POU6F2: variants seen among roughly 807,000 people sequenced by gnomAD.
POU6F2 encodes the protein POU domain, class 6, transcription factor 2.
In POU6F2, 31 loss-of-function variants were observed where a neutral mutation model predicts 71.3. The ratio of observed to expected loss-of-function variants is 0.43; its 90% CI spans 0.33 to 0.59. The LOEUF (loss-of-function observed/expected upper bound fraction) is 0.59, where lower values mean the gene tolerates loss of function less well. Ranked by LOEUF, POU6F2 falls within the 20% of genes least tolerant of loss-of-function variation. POU6F2 has a pLI of 0.04. For missense variants in POU6F2, 783 were observed against 856.8 expected (o/e 0.91, Z 1.07); for synonymous variants, 347 against 355.7 (o/e 0.98, Z 0.27).
intron 4 of POU6F2, among the ~76,000 whole-genome samples, chr7:39,271,126 C>A (rs35787907): frequency 0.15 from 23,166 of 152,114 alleles, 1,922 homozygotes; most frequent in Middle Eastern, 0.25. Context: ...TTATTGTATA[C>A]CTGTGAGCTA....
At chr7:39,005,178 A>T (rs1250121109) in intron 1 of POU6F2, 1 of 152,344 alleles carries the variant, frequency 6.6e-6, no homozygotes, top group Non-Finnish European at 1.5e-5. Flanking sequence ...AACCCTCGCC[A>T]GTGCGCCTGT....
At chr7:39,042,905 C>G (rs970409445) in intron 1 of POU6F2, among the ~76,000 whole-genome samples, 5 of 151,960 alleles carry the variant, frequency 3.3e-5, no homozygotes, top group African/African-American at 1.2e-4. Flanking sequence ...CTCAGGCTGT[C>G]TCTTACACTG....
chr7:39,212,138 G>A (rs986264859), intron 4 of POU6F2, among the ~76,000 whole-genome samples: 1 of 152,108 alleles, frequency 6.6e-6, no homozygotes, highest in Non-Finnish European at 1.5e-5. Context: ...TGAGATGTTC[G>A]TTTCTGTCCT....
rs151293651 is a variant in POU6F2, at chr7:39,339,735, A to G, written c.692A>G (p.Asn231Ser). 2,152 of 1,604,304 alleles carry G rather than the reference A, an allele frequency of 1.3e-3. 18 individuals carry two copies. In the African/African-American group the frequency reaches 0.026, roughly 20 times the overall value. ...CAGCAGCAGCCTCCCCCGTCAACCA[A>G]CCAGCACCCGCAACCAGCCCCACAG... is the stretch of plus-strand genomic sequence containing the variant. ...QQQQQPPPST[N>S]QHPQPAPQAP... Residue 231 changes from asparagine to serine, a missense_variant, in exon 5 of 10, where the codon AAC becomes AGC. By Grantham distance (46) the Asn-to-Ser change is conservative. Coordinates refer to ENST00000518318, the MANE Select transcript of POU6F2 (RefSeq NM_001370959.1).
chr7:39,119,648 A>G (rs1792001957), intron 2 of POU6F2, among the ~76,000 whole-genome samples: 1 of 152,232 alleles, frequency 6.6e-6, no homozygotes, highest in African/African-American at 2.4e-5. Flanking sequence ...AGAGTGAGGA[A>G]GGATTGGGCA....
At chr7:39,145,201 A>G (rs1792593308) in intron 2 of POU6F2, among the ~76,000 whole-genome samples, 1 of 152,206 alleles carries the variant, frequency 6.6e-6, no homozygotes, top group Non-Finnish European at 1.5e-5. Context: ...ATCAAAACAA[A>G]GAGTTTATTT....
At chr7:39,375,962 G>T (rs1249077326) in intron 5 of POU6F2, among the ~76,000 whole-genome samples, 1 of 152,134 alleles carries the variant, frequency 6.6e-6, no homozygotes, top group East Asian at 1.9e-4. Context: ...ATCCCACTCT[G>T]CCATTCACTA....
At chr7:39,383,989 T>A (rs975672568) in intron 5 of POU6F2, among the ~76,000 whole-genome samples, 8 of 152,240 alleles carry the variant, frequency 5.3e-5, no homozygotes, top group Non-Finnish European at 8.8e-5. Context: ...GAACGTTTAA[T>A]TTGAATGTGA....
intron 4 of POU6F2, among the ~76,000 whole-genome samples, chr7:39,236,532 C>G (rs139153083): frequency 3.9e-5 from 6 of 152,144 alleles, no homozygotes; most frequent in Admixed American, 1.3e-4. Flanking sequence ...TACCATTTCA[C>G]ACCTTGTCCG....
intron 4 of POU6F2, among the ~76,000 whole-genome samples, chr7:39,236,056 A>G (rs1466165240): frequency 6.6e-6 from 1 of 152,176 alleles, no homozygotes; most frequent in Admixed American, 6.5e-5. Flanking sequence ...GCAAAATGCA[A>G]TTGCAACATT....
chr7:39,393,053 A>G (rs1427035174), intron 5 of POU6F2, among the ~76,000 whole-genome samples: 1 of 152,160 alleles, frequency 6.6e-6, no homozygotes, highest in Non-Finnish European at 1.5e-5. Flanking sequence ...GGTTTTATTA[A>G]TGGAAACTTC....
intron 2 of POU6F2, among the ~76,000 whole-genome samples, chr7:39,130,732 G>A (rs1792258360): frequency 6.6e-6 from 1 of 151,844 alleles, no homozygotes; most frequent in Non-Finnish European, 1.5e-5. Context: ...ATCTCTTCTG[G>A]GCCATGTCCT....
intron 5 of POU6F2, among the ~76,000 whole-genome samples, chr7:39,346,004 A>G (rs1237022193): frequency 2.0e-5 from 3 of 152,224 alleles, no homozygotes; most frequent in African/African-American, 7.2e-5. Flanking sequence ...CCCTTTACCC[A>G]ACTGTATTAA....
chr7:39,218,462 G>A (rs1024817150), intron 4 of POU6F2, among the ~76,000 whole-genome samples: 1 of 152,156 alleles, frequency 6.6e-6, no homozygotes, highest in Non-Finnish European at 1.5e-5. Flanking sequence ...TCTCTTACGT[G>A]TGTAATTCTT....
At chr7:39,416,814 T>TAAA (rs531942673) in intron 6 of POU6F2, among the ~76,000 whole-genome samples, 5 of 142,442 alleles carry the variant, frequency 3.5e-5, no homozygotes, top group African/African-American at 1.3e-4. Context: ...GTTAAAAATG[T>TAAA]AAAAAAAAAA....
At chr7:38,988,701 T>C (rs540078356) in intron 1 of POU6F2, among the ~76,000 whole-genome samples, 166 of 152,222 alleles carry the variant, frequency 1.1e-3, no homozygotes, top group Admixed American at 2.4e-3. Flanking sequence ...GGTACTGTTG[T>C]TATTTCCATT....
At chr7:39,037,263 C>T (rs532969637) in intron 1 of POU6F2, among the ~76,000 whole-genome samples, 2 of 152,136 alleles carry the variant, frequency 1.3e-5, no homozygotes, top group East Asian at 3.9e-4. Context: ...TTATCCCTTT[C>T]CCCAACCTTC....
chr7:39,119,176 G>A (rs1309463063), intron 2 of POU6F2, among the ~76,000 whole-genome samples: 1 of 152,166 alleles, frequency 6.6e-6, no homozygotes, highest in Non-Finnish European at 1.5e-5. Context: ...GCAAGGTCTG[G>A]ACAGCAACCA....
At chr7:39,457,933 A>G (rs1028425321) in intron 8 of POU6F2, among the ~76,000 whole-genome samples, 8 of 151,774 alleles carry the variant, frequency 5.3e-5, no homozygotes, top group Admixed American at 2.6e-4. Flanking sequence ...CTCAGCTATT[A>G]TTTTATTATC....
Sources: allele counts gnomAD v4.1 joint callset (sites outside exome capture counted in the v4.1 genomes callset), GRCh38; gene constraint gnomAD v4.1.1; transcripts MANE v1.5; gene names NCBI Gene and HGNC (gene_info 2026-07-23, HGNC 2026-07-21).